SYT2: variants seen among roughly 807,000 people sequenced by gnomAD.
SYT2 encodes synaptotagmin-2.
SYT2 carries 15 observed loss-of-function variants against 39.9 expected under a neutral mutation model. The ratio of observed to expected loss-of-function variants is 0.38; its 90% CI spans 0.25 to 0.58. The LOEUF is 0.58. Ranked by LOEUF, SYT2 falls within the 20% of genes least tolerant of loss-of-function variation. The probability of loss-of-function intolerance (pLI) is 0.70; values close to 1 mark genes in which losing one functional copy is unlikely to be tolerated. For synonymous variants in SYT2, 181 were observed against 204.5 expected, an observed-to-expected ratio of 0.89 and a Z score of 0.98; for missense variants, 389 against 530.3, an observed-to-expected ratio of 0.73 and a Z score of 2.62.
intron 1 of SYT2, among the ~76,000 whole-genome samples, chr1:202,696,182 A>G (rs1335216347): frequency 1.3e-5 from 2 of 152,240 alleles, no homozygotes; most frequent in African/African-American, 4.8e-5. Flanking sequence ...AACTAGAGGC[A>G]GAGCCAGAAA....
intron 1 of SYT2, among the ~76,000 whole-genome samples, chr1:202,647,470 T>C (rs944891997): frequency 6.6e-6 from 1 of 151,734 alleles, no homozygotes; most frequent in Non-Finnish European, 1.5e-5. Context: ...CCCCCAACCG[T>C]ACTCCATGAG....
rs1326155887 is a variant in SYT2, at chr1:202,599,009, G to A, written c.1053+209C>T. ...AAACGAATGATTTGCAGAATTTTTT[G>A]AATTAGTTCATGTTTATCTCCTCAG... is the stretch of plus-strand genomic sequence containing the variant. On this transcript the variant is annotated intron_variant, in intron 8 of 8. Transcript: ENST00000367268. This position sits in a 1 kb window ranked among gnomAD's most constrained non-coding sequence, Gnocchi z 4.4. Among the ~76,000 whole-genome samples, 2 of 152,066 alleles carry A rather than the reference G, an allele frequency of 1.3e-5. No individual in the cohort carries two copies. The highest frequency in any genetic ancestry group is 2.4e-5 in the African/African-American group (1 of 41,402).
intron 1 of SYT2, among the ~76,000 whole-genome samples, chr1:202,622,116 C>G (rs1043357134): frequency 6.6e-6 from 1 of 152,162 alleles, no homozygotes; most frequent in African/African-American, 2.4e-5. Context: ...TTTGCAGAAG[C>G]CAAAGTAATG....
Position 202,601,849 on chromosome 1 carries a change from AT to A in SYT2, c.801+40del. The A allele has an allele frequency of 6.3e-7, 1 of 1,597,044 alleles. No individual in the cohort carries two copies. Among genetic ancestry groups the A allele is most frequent in the Non-Finnish European group, 8.5e-7 (1 of 1,170,558 alleles). Reference sequence around the variant, plus strand: ...CCAAGAGGTGGAAGCCCACCTGTACATTCGTCTTTCTGCCCAACCTGGCCTC... The same window carrying A: ...CCAAGAGGTGGAAGCCCACCTGTACATCGTCTTTCTGCCCAACCTGGCCTC... On this transcript the variant is annotated intron_variant, in intron 6 of 8. Transcript: ENST00000367268. The surrounding 1 kb of genome is among the most constrained non-coding windows in gnomAD (Gnocchi z 4.0).
Position 202,596,268 on chromosome 1 carries a change from GACACACACAC to G in SYT2, c.*479_*488del, listed in dbSNP as rs58376514. On this transcript the variant is annotated 3_prime_UTR_variant, in exon 9 of 9. Coordinates refer to ENST00000367268, the MANE Select transcript of SYT2 (RefSeq NM_177402.5). Reference sequence around the variant, plus strand: ...CCAGGAATGAAGAGAAATGCTCAAAGACACACACACACACACACACACACACACACACACA... The same window carrying G: ...CCAGGAATGAAGAGAAATGCTCAAAGACACACACACACACACACACACACA... 449 of 119,506 alleles carry G rather than the reference GACACACACAC, an allele frequency of 3.8e-3. 1 individual carries two copies. The highest frequency in any genetic ancestry group is 0.011 in the African/African-American group (348 of 32,840). The allele number at this position is 119,506 out of a possible 1,614,324, so 7.4% of individuals were successfully genotyped here.
chr1:202,634,676 C>G (rs1691694581), intron 1 of SYT2, among the ~76,000 whole-genome samples: 1 of 152,178 alleles, frequency 6.6e-6, no homozygotes. Context: ...AGTATATCTA[C>G]ACAATGGAAT....
chr1:202,689,594 C>A (rs541589501), intron 1 of SYT2, among the ~76,000 whole-genome samples: 1 of 152,224 alleles, frequency 6.6e-6, no homozygotes, highest in South Asian at 2.1e-4. Flanking sequence ...TCCCTCTGAG[C>A]ACCCCTTCCT....
chr1:202,659,082 C>T (rs145997215), intron 1 of SYT2, among the ~76,000 whole-genome samples: 6 of 152,216 alleles, frequency 3.9e-5, no homozygotes, highest in African/African-American at 1.4e-4. Context: ...AAAATGACAA[C>T]ACCCCTCCCC....
rs369555434 is a variant in SYT2, at chr1:202,642,927, C to A, written c.-17-37138G>T. ...GTCCCTGGTCCCAGCGCTAAGGCACCGCGGCTTCTCTCGCCTTCTCTCCGC... is the reference window on the plus strand; with the variant it reads ...GTCCCTGGTCCCAGCGCTAAGGCACAGCGGCTTCTCTCGCCTTCTCTCCGC... On this transcript the variant is annotated intron_variant, in intron 1 of 8. Transcript: ENST00000367268. Among the ~76,000 whole-genome samples the A allele has an allele frequency of 4.6e-5, 7 of 152,380 alleles. No homozygotes were observed. In the East Asian group the frequency reaches 5.8e-4, roughly 13 times the overall value.
rs796898888 is a variant in SYT2 at position 202,640,790 on chromosome 1, G to GAGACAGAC, written c.-17-35009_-17-35002dup. Among the ~76,000 whole-genome samples, 284 of 120,078 alleles carry GAGACAGAC rather than the reference G, an allele frequency of 2.4e-3. 2 individuals are homozygous for GAGACAGAC. The highest frequency in any genetic ancestry group is 8.8e-3 in the Middle Eastern group (2 of 228). The allele number at this position is 120,078 out of a possible 152,430, so 78.8% of individuals were successfully genotyped here. A position where few individuals can be genotyped will look rare whatever the true frequency, so the allele number is the denominator to read the frequency against. On this transcript the variant is annotated intron_variant, in intron 1 of 8. Coordinates refer to ENST00000367268, the MANE Select transcript of SYT2 (RefSeq NM_177402.5). ...AGAGAGAGAGAGAGAGAGAGAGAGA[G>GAGACAGAC]AGACAGACAGACAGAGAGACAGAGA...
intron 7 of SYT2, 60 bp downstream of exon 7, chr1:202,600,297 G>A: frequency 2.8e-6 from 4 of 1,412,916 alleles, no homozygotes; most frequent in Non-Finnish European, 4.0e-6. Flanking sequence ...CAAACTCTGG[G>A]ACTTGGTGCT....
At position 202,599,842 on chromosome 1, in the gene SYT2, T is replaced by C. The variant is rs1690438529; in HGVS notation, c.920-491A>G. Reference sequence around the variant, plus strand: ...GGTTGGAGCCCATGCCCAGGGCTGATTCTCTGGGAAGGCAGCTGAGGCAGC... The same window carrying C: ...GGTTGGAGCCCATGCCCAGGGCTGACTCTCTGGGAAGGCAGCTGAGGCAGC... On this transcript the variant is annotated intron_variant, in intron 7 of 8. Coordinates refer to ENST00000367268, the MANE Select transcript of SYT2 (RefSeq NM_177402.5). This position sits in a 1 kb window ranked among gnomAD's most constrained non-coding sequence, Gnocchi z 4.4. Among the ~76,000 whole-genome samples, 1 of 152,220 alleles carries C rather than the reference T, an allele frequency of 6.6e-6. No individual in the cohort carries two copies.
intron 1 of SYT2, among the ~76,000 whole-genome samples, chr1:202,622,382 T>C (rs552140913): frequency 2.6e-5 from 4 of 152,194 alleles, no homozygotes; most frequent in Non-Finnish European, 5.9e-5. Context: ...ACACCTCCAC[T>C]TTGGAGCGAG....
rs113261862 is a variant in SYT2, at chr1:202,623,289, G to A, written c.-17-17500C>T. Among the ~76,000 whole-genome samples the A allele has an allele frequency of 0.098, 14,918 of 152,280 alleles. 1,277 individuals carry two copies. The highest frequency in any genetic ancestry group is 0.23 in the African/African-American group (9,347 of 41,540). On this transcript the variant is annotated intron_variant, in intron 1 of 8. Transcript: ENST00000367268. The surrounding 1 kb of genome is among the most constrained non-coding windows in gnomAD (Gnocchi z 4.2). ...CAGCACGGCGCACTCTAGCCAAGAC[G>A]GAGAAGCTGCTGAGTCACAGTCCAG...
intron 1 of SYT2, among the ~76,000 whole-genome samples, chr1:202,696,123 G>A (rs544662757): frequency 7.5e-4 from 114 of 152,328 alleles, no homozygotes; most frequent in Non-Finnish European, 1.3e-3. Flanking sequence ...TTTTACAAAG[G>A]ATGGAACACA....
chr1:202,696,833 G>A, intron 1 of SYT2, among the ~76,000 whole-genome samples: 2 of 152,240 alleles, frequency 1.3e-5, no homozygotes, highest in East Asian at 3.8e-4. Context: ...TTAGCACTAT[G>A]GAATGTATTT....
chr1:202,669,020 G>A (rs1558455540), intron 1 of SYT2, among the ~76,000 whole-genome samples: 1 of 152,200 alleles, frequency 6.6e-6, no homozygotes, highest in Non-Finnish European at 1.5e-5. Flanking sequence ...TTCGGGACCT[G>A]TTGATGTTTC....
intron 1 of SYT2, among the ~76,000 whole-genome samples, chr1:202,626,408 T>TTTTTTTTTTG (rs1558437049): frequency 1.1e-4 from 16 of 139,908 alleles, no homozygotes; most frequent in African/African-American, 4.0e-4. Flanking sequence ...CTTTTTTTTT[T>TTTTTTTTTTG]TTTTTTTTTT....
At chr1:202,691,634 A>T (rs562975254) in intron 1 of SYT2, among the ~76,000 whole-genome samples, 75 of 148,392 alleles carry the variant, frequency 5.1e-4, no homozygotes, top group African/African-American at 1.8e-3. Context: ...TGAGCAATAG[A>T]GAAAGACCCT....
Sources: gnomAD v4.1 joint callset for allele counts (sites outside exome capture counted in the v4.1 genomes callset) on GRCh38, gnomAD v4.1.1 for gene constraint, Gnocchi (gnomAD v3.1) non-coding constraint, MANE v1.5 for transcripts, NCBI Gene and HGNC (gene_info 2026-07-23, HGNC 2026-07-21) for gene names.